ANK3: variants seen among roughly 807,000 people sequenced by gnomAD.
ANK3 encodes ankyrin-3.
Under a neutral mutation model 370.9 loss-of-function variants are expected in ANK3, and 57 were observed. The ratio of observed to expected loss-of-function variants is 0.15; its 90% CI spans 0.12 to 0.19. The LOEUF (loss-of-function observed/expected upper bound fraction) is 0.19, where lower values mean the gene tolerates loss of function less well. ANK3 is among the 10% of genes least tolerant of loss of function. The pLI is 1.00. For missense variants in ANK3, 4,439 were observed against 5,302.1 expected, an observed-to-expected ratio of 0.84 and a Z score of 5.06; for synonymous variants, 1,929 against 1,946.3, an observed-to-expected ratio of 0.99 and a Z score of 0.23.
chr10:60,345,636 TAA>T (rs1210842500), intron 1 of ANK3, among the ~76,000 whole-genome samples: 1 of 152,184 alleles, frequency 6.6e-6, no homozygotes, highest in Non-Finnish European at 1.5e-5. Context: ...AAGACAATAC[TAA>T]AGCTCCAGTT....
chr10:60,238,293 GT>G (rs1274356077), intron 7 of ANK3, among the ~76,000 whole-genome samples: 3 of 152,172 alleles, frequency 2.0e-5, no homozygotes, highest in Admixed American at 1.3e-4. Flanking sequence ...ACTCAGTGAT[GT>G]TAGAGCTCGA....
At chr10:60,170,923 C>A (rs1325237236) in intron 21 of ANK3, among the ~76,000 whole-genome samples, 1 of 152,082 alleles carries the variant, frequency 6.6e-6, no homozygotes, top group East Asian at 1.9e-4. Context: ...TGTCTCAAGT[C>A]TTTTAACATT....
At chr10:60,252,404 T>A (rs1037338926) in intron 7 of ANK3, among the ~76,000 whole-genome samples, 45 of 152,124 alleles carry the variant, frequency 3.0e-4, no homozygotes, top group African/African-American at 8.0e-4. Context: ...TTTCACTGAA[T>A]GGGGGAAATA....
chr10:60,715,245 G>GTGTGTGTA (rs1315169328), intron 1 of ANK3, among the ~76,000 whole-genome samples: 1 of 150,968 alleles, frequency 6.6e-6, no homozygotes, highest in Non-Finnish European at 1.5e-5. Flanking sequence ...GTGTGTGTGT[G>GTGTGTGTA]TATAAAATTG....
At chr10:60,395,695 C>T (rs2063223776) in intron 2 of ANK3, among the ~76,000 whole-genome samples, 1 of 151,456 alleles carries the variant, frequency 6.6e-6, no homozygotes, top group Non-Finnish European at 1.5e-5. Context: ...GATATGTCCT[C>T]AGGCACTTGT....
At chr10:60,297,086 T>C (rs966185195) in intron 1 of ANK3, among the ~76,000 whole-genome samples, 12 of 152,216 alleles carry the variant, frequency 7.9e-5, no homozygotes, top group Non-Finnish European at 1.5e-4. Flanking sequence ...ATTACAGAAG[T>C]ATGTAAATTT....
intron 36 of ANK3, among the ~76,000 whole-genome samples, chr10:60,079,951 T>C (rs1482452907): frequency 6.6e-6 from 1 of 151,990 alleles, no homozygotes; most frequent in Non-Finnish European, 1.5e-5. Context: ...GTCTAACTGG[T>C]CTAGTGAAGA....
intron 2 of ANK3, among the ~76,000 whole-genome samples, chr10:60,422,552 C>T (rs148972857): frequency 3.3e-5 from 5 of 152,144 alleles, no homozygotes; most frequent in African/African-American, 1.2e-4. Context: ...TTCAGTTCTA[C>T]CTGGATTCAG....
chr10:60,588,424 C>T (rs879386902), intron 2 of ANK3, among the ~76,000 whole-genome samples: 61 of 151,694 alleles, frequency 4.0e-4, no homozygotes, highest in East Asian at 1.2e-3. Context: ...ACCTCATGAT[C>T]TACCTGCCTT....
intron 2 of ANK3, among the ~76,000 whole-genome samples, chr10:60,463,737 T>C (rs1173034392): frequency 6.6e-6 from 1 of 150,472 alleles, no homozygotes; most frequent in Admixed American, 6.6e-5. Context: ...AGACAGATAA[T>C]AGATTTTCTT....
At chr10:60,624,111 T>C (rs1264182620) in intron 1 of ANK3, among the ~76,000 whole-genome samples, 1 of 152,058 alleles carries the variant, frequency 6.6e-6, no homozygotes, top group East Asian at 1.9e-4. Flanking sequence ...GCTATGCTTG[T>C]TACCTGGATG....
At chr10:60,251,525 C>A (rs919799342) in intron 7 of ANK3, among the ~76,000 whole-genome samples, 1 of 152,152 alleles carries the variant, frequency 6.6e-6, no homozygotes, top group African/African-American at 2.4e-5. Flanking sequence ...ACATGCCAAC[C>A]ACCACTGTGA....
chr10:60,128,347 C>A (rs758060270), intron 25 of ANK3, among the ~76,000 whole-genome samples: 1 of 151,340 alleles, frequency 6.6e-6, no homozygotes, highest in South Asian at 2.1e-4. Flanking sequence ...GGGTGAGTTA[C>A]TCATGCTCTC....
At chr10:60,176,229 G>A (rs1473973202) in intron 18 of ANK3, among the ~76,000 whole-genome samples, 1 of 151,190 alleles carries the variant, frequency 6.6e-6, no homozygotes, top group African/African-American at 2.4e-5. Context: ...GCCGGGCGTG[G>A]TGGCATGTGT....
At chr10:60,525,163 T>G (rs1386646773) in intron 2 of ANK3, among the ~76,000 whole-genome samples, 3 of 152,092 alleles carry the variant, frequency 2.0e-5, no homozygotes, top group Non-Finnish European at 4.4e-5. Context: ...AGTTTCCATA[T>G]GTAAACAGAA....
intron 2 of ANK3, among the ~76,000 whole-genome samples, chr10:60,433,376 C>T (rs946919582): frequency 6.6e-6 from 1 of 152,048 alleles, no homozygotes; most frequent in African/African-American, 2.4e-5. Context: ...TATTCATGTA[C>T]CCATTGAGTT....
intron 2 of ANK3, among the ~76,000 whole-genome samples, chr10:60,535,119 T>G (rs1172246622): frequency 1.3e-5 from 2 of 152,138 alleles, no homozygotes; most frequent in African/African-American, 4.8e-5. Context: ...GCATTGCCAC[T>G]AGCAATACAG....
intron 42 of ANK3, among the ~76,000 whole-genome samples, chr10:60,047,564 G>A (rs1180446468): frequency 3.9e-5 from 6 of 152,170 alleles, no homozygotes; most frequent in African/African-American, 1.4e-4. Flanking sequence ...GTGAAGAGTG[G>A]TTACCTCTGG....
At chr10:60,082,035 AC>A in intron 35 of ANK3, 114 bp downstream of exon 35, 1 of 746,944 alleles carries the variant, frequency 1.3e-6, no homozygotes, top group South Asian at 2.1e-5. Flanking sequence ...CCTACTTAAG[AC>A]CTGAAAAATA....
Sources: allele counts gnomAD v4.1 joint callset (sites outside exome capture counted in the v4.1 genomes callset), GRCh38; gene constraint gnomAD v4.1.1; transcripts MANE v1.5; gene names NCBI Gene and HGNC (gene_info 2026-07-23, HGNC 2026-07-21).